The following RBPJ variants were observed in gnomAD, a reference collection of about 807,000 sequenced individuals.
RBPJ encodes the protein recombination signal binding protein for immunoglobulin kappa J region, also known as recombining binding protein suppressor of hairless.
In RBPJ, 9 loss-of-function variants were observed where a neutral mutation model predicts 67.8. That is an observed-to-expected ratio of 0.13 (90% CI 0.08 to 0.23). The LOEUF (loss-of-function observed/expected upper bound fraction) is 0.23. RBPJ is among the 10% of genes least tolerant of loss of function. The pLI is 1.00. For missense variants in RBPJ, 305 were observed against 595.6 expected (o/e 0.51, Z 5.08); for synonymous variants, 198 against 203.3 (o/e 0.97, Z 0.22).
intron 1 of RBPJ, among the ~76,000 whole-genome samples, chr4:26,213,719 A>G (rs1472498374): frequency 2.0e-5 from 3 of 152,174 alleles, no homozygotes; most frequent in Admixed American, 6.5e-5. Context: ...GATCAGATTT[A>G]TTCCTGGAAA....
chr4:26,317,884 G>A (rs1722708844), upstream of RBPJ, among the ~76,000 whole-genome samples: 1 of 152,066 alleles, frequency 6.6e-6, no homozygotes, highest in Non-Finnish European at 1.5e-5. Flanking sequence ...GGTTACCATG[G>A]CTTCCCAAGG....
At chr4:26,257,357 C>T (rs775450762) in intron 1 of RBPJ, among the ~76,000 whole-genome samples, 4 of 152,176 alleles carry the variant, frequency 2.6e-5, no homozygotes, top group South Asian at 2.1e-4. Context: ...TCGCCGGGCA[C>T]GGCGGCTCAT....
intron 1 of RBPJ, among the ~76,000 whole-genome samples, chr4:26,341,375 G>A (rs1725510876): frequency 6.6e-6 from 1 of 152,212 alleles, no homozygotes; most frequent in African/African-American, 2.4e-5. Context: ...AGCACTTTGG[G>A]AGGCTGAGGC....
intron 1 of RBPJ, among the ~76,000 whole-genome samples, chr4:26,294,063 GTTGTTTTTGTTTTTGTTT>G (rs145910389): frequency 0.55 from 81,306 of 147,400 alleles, 22,887 homozygotes; most frequent in Admixed American, 0.65. Flanking sequence ...CGGCCAGGAA[GTTGTTTTTGTTTTTGTTT>G]TTGTTTTTGT....
chr4:26,341,642 AC>A (rs201060758), intron 1 of RBPJ, among the ~76,000 whole-genome samples: 19 of 152,072 alleles, frequency 1.2e-4, no homozygotes, highest in African/African-American at 4.6e-4. Flanking sequence ...ACAAAAAAAA[AC>A]CAAACGAAAA....
chr4:26,347,495 T>C (rs756939150), intron 1 of RBPJ, among the ~76,000 whole-genome samples: 6 of 152,150 alleles, frequency 3.9e-5, no homozygotes, highest in Non-Finnish European at 8.8e-5. Flanking sequence ...CACTGGTCAG[T>C]GGTGTCAAAT....
intron 1 of RBPJ, among the ~76,000 whole-genome samples, chr4:26,242,353 C>T (rs533723632): frequency 3.3e-5 from 5 of 150,360 alleles, no homozygotes; most frequent in Non-Finnish European, 5.9e-5. Flanking sequence ...GAGGCTGAGG[C>T]GGAGAATGGC....
chr4:26,406,083 T>C, intron 2 of RBPJ, 92 bp from the exon 3 acceptor site: 1 of 742,516 alleles, frequency 1.3e-6, no homozygotes, highest in Non-Finnish European at 2.3e-6. Flanking sequence ...AAAATATTTA[T>C]AAGCATTCCT....
intron 1 of RBPJ, among the ~76,000 whole-genome samples, chr4:26,372,123 A>G (rs920196694): frequency 6.6e-6 from 1 of 152,240 alleles, no homozygotes; most frequent in South Asian, 2.1e-4. Context: ...ACTTTGCTAT[A>G]TGAAGCCAGT....
intron 1 of RBPJ, among the ~76,000 whole-genome samples, chr4:26,222,161 C>G (rs1382596844): frequency 2.0e-5 from 3 of 152,160 alleles, no homozygotes; most frequent in Non-Finnish European, 4.4e-5. Context: ...TGCCTTGCAG[C>G]AAAATCGTTC....
intron 1 of RBPJ, among the ~76,000 whole-genome samples, chr4:26,364,868 C>T (rs1035597921): frequency 1.3e-5 from 2 of 151,596 alleles, no homozygotes; most frequent in African/African-American, 2.4e-5. Flanking sequence ...CTGCCCATGT[C>T]GGCCTCCCGA....
intron 1 of RBPJ, among the ~76,000 whole-genome samples, chr4:26,269,869 A>G (rs1424117701): frequency 2.0e-5 from 3 of 152,138 alleles, no homozygotes; most frequent in Non-Finnish European, 1.5e-5. Flanking sequence ...CCAAACTAGC[A>G]TTTATTTTTA....
chr4:26,409,561 G>T (rs1369645171), intron 3 of RBPJ, among the ~76,000 whole-genome samples: 2 of 152,114 alleles, frequency 1.3e-5, no homozygotes, highest in East Asian at 3.9e-4. Flanking sequence ...GTGCAGTGGT[G>T]CAATCTTGGC....
chr4:26,421,991 C>A (rs532443744), intron 5 of RBPJ, among the ~76,000 whole-genome samples: 27 of 152,230 alleles, frequency 1.8e-4, no homozygotes, highest in Middle Eastern at 3.4e-3. Flanking sequence ...TCTTCTCACC[C>A]TCTCTCACCT....
At chr4:26,211,675 A>G (rs1718426906) in intron 1 of RBPJ, among the ~76,000 whole-genome samples, 1 of 152,156 alleles carries the variant, frequency 6.6e-6, no homozygotes, top group Non-Finnish European at 1.5e-5. Context: ...GCCCTCCAGA[A>G]ACTCACCTTC....
chr4:26,402,788 C>T (rs1577621149), intron 2 of RBPJ, among the ~76,000 whole-genome samples: 1 of 152,200 alleles, frequency 6.6e-6, no homozygotes, highest in Non-Finnish European at 1.5e-5. Context: ...CAATTACATA[C>T]TAGTGAACCC....
At chr4:26,307,546 C>T (rs1722278367) in intron 1 of RBPJ, among the ~76,000 whole-genome samples, 1 of 152,136 alleles carries the variant, frequency 6.6e-6, no homozygotes, top group South Asian at 2.1e-4. Context: ...TATGATGCTA[C>T]GTAGGTAAAA....
intron 1 of RBPJ, among the ~76,000 whole-genome samples, chr4:26,361,718 A>T (rs1415444759): frequency 1.3e-5 from 2 of 152,214 alleles, no homozygotes; most frequent in Non-Finnish European, 2.9e-5. Context: ...TTGTAGCTAC[A>T]TGATGCCACA....
intron 1 of RBPJ, among the ~76,000 whole-genome samples, chr4:26,244,403 A>G (rs1409469475): frequency 2.4e-3 from 3 of 1,258 alleles, no homozygotes; most frequent in East Asian, 0.071. Context: ...GTATGCACAT[A>G]TGTGTGTATA....
Sources: gnomAD v4.1 joint callset for allele counts (sites outside exome capture counted in the v4.1 genomes callset) on GRCh38, gnomAD v4.1.1 for gene constraint, MANE v1.5 for transcripts, NCBI Gene and HGNC (gene_info 2026-07-23, HGNC 2026-07-21) for gene names.